IQGAP1: variants seen among roughly 807,000 people sequenced by gnomAD.
The protein encoded by IQGAP1 is IQ motif containing GTPase activating protein 1, also known as ras GTPase-activating-like protein IQGAP1.
IQGAP1 carries 66 observed loss-of-function variants against 215.6 expected under a neutral mutation model. That is an observed-to-expected ratio of 0.31 (90% CI 0.25 to 0.38). The LOEUF is 0.38. Ranked by LOEUF, IQGAP1 falls within the 10% of genes least tolerant of loss-of-function variation. IQGAP1 has a pLI of 1.00. For synonymous variants in IQGAP1, 772 were observed against 728.7 expected (o/e 1.06, Z -0.96); for missense variants, 1,712 against 1,997.1 (o/e 0.86, Z 2.72).
At chr15:90,403,148 C>T (rs1485704294) in intron 2 of IQGAP1, among the ~76,000 whole-genome samples, 1 of 152,114 alleles carries the variant, frequency 6.6e-6, no homozygotes, top group African/African-American at 2.4e-5. Context: ...TGGTGGCACA[C>T]ACCTGTAGTT....
At chr15:90,440,691 T>TC in intron 7 of IQGAP1, 76 bp downstream of exon 7, 1 of 883,388 alleles carries the variant, frequency 1.1e-6, no homozygotes, top group South Asian at 1.6e-5. Context: ...ATAGTGATGA[T>TC]CTAGGACATT....
intron 33 of IQGAP1, among the ~76,000 whole-genome samples, chr15:90,489,199 G>A (rs1966170532): frequency 6.6e-6 from 1 of 151,110 alleles, no homozygotes; most frequent in South Asian, 2.1e-4. Flanking sequence ...CGTGATCTTG[G>A]CTCACTGCAA....
intron 26 of IQGAP1, among the ~76,000 whole-genome samples, chr15:90,479,373 T>C (rs754702229): frequency 2.0e-5 from 3 of 152,174 alleles, no homozygotes; most frequent in Non-Finnish European, 2.9e-5. Flanking sequence ...CTACTTTCCA[T>C]GTACCCGGAT....
chr15:90,406,514 G>T (rs564249514), intron 2 of IQGAP1, among the ~76,000 whole-genome samples: 5 of 152,312 alleles, frequency 3.3e-5, no homozygotes, highest in African/African-American at 1.2e-4. Context: ...AGTGATGACG[G>T]TTGTACAACA....
intron 36 of IQGAP1, among the ~76,000 whole-genome samples, chr15:90,496,127 G>A (rs1966269495): frequency 6.6e-6 from 1 of 151,712 alleles, no homozygotes; most frequent in Non-Finnish European, 1.5e-5. Context: ...AGGCGTTCCA[G>A]TTGAATAAGA....
chr15:90,493,107 G>A (rs1227155756), intron 35 of IQGAP1, among the ~76,000 whole-genome samples: 1 of 152,084 alleles, frequency 6.6e-6, no homozygotes, highest in Non-Finnish European at 1.5e-5. Flanking sequence ...GCTGGGTGTG[G>A]TGGCACGCAC....
At chr15:90,484,993 C>T (rs956051417) in intron 30 of IQGAP1, among the ~76,000 whole-genome samples, 35 of 152,172 alleles carry the variant, frequency 2.3e-4, no homozygotes, top group African/African-American at 8.2e-4. Context: ...TTTTACTCTT[C>T]TTTCTTTTTA....
At chr15:90,406,933 T>C (rs1964887394) in intron 2 of IQGAP1, among the ~76,000 whole-genome samples, 1 of 152,172 alleles carries the variant, frequency 6.6e-6, no homozygotes. Flanking sequence ...TTAGTAGATA[T>C]ATGGTATATG....
Position 90,486,284 on chromosome 15 carries a change from A to AAACAAC in IQGAP1, c.4024+164_4024+169dup, listed in dbSNP as rs1344497304. 12 of 553,464 alleles carry AAACAAC rather than the reference A, an allele frequency of 2.2e-5. No individual in the cohort carries two copies. In the East Asian group the frequency reaches 3.5e-4, roughly 16 times the overall value. The allele number at this position is 553,464 out of a possible 1,614,324, so 34.3% of individuals were successfully genotyped here. A position where few individuals can be genotyped will look rare whatever the true frequency, so the allele number is the denominator to read the frequency against. On this transcript the variant is annotated intron_variant, in intron 31 of 37. Transcript: ENST00000268182. ...GATCCTGATAGTTTCATAAGAGAGA[A>AAACAAC]AACAACAACAACAACAAAAGCCCAG...
chr15:90,393,106 TAAA>T (rs11359516), intron 2 of IQGAP1, among the ~76,000 whole-genome samples: 2,494 of 143,966 alleles, frequency 0.017, 55 homozygotes, highest in East Asian at 0.11. Context: ...CTGGGGAACT[TAAA>T]AAAAAAAAAA....
At chr15:90,455,766 A>T (rs1965671117) in intron 14 of IQGAP1, among the ~76,000 whole-genome samples, 1 of 152,330 alleles carries the variant, frequency 6.6e-6, no homozygotes, top group South Asian at 2.1e-4. Flanking sequence ...GTTGAATTAG[A>T]TGACTTTTTA....
intron 34 of IQGAP1, 41 bp from the exon 35 acceptor site, chr15:90,492,504 T>C: frequency 6.6e-7 from 1 of 1,513,560 alleles, no homozygotes; most frequent in Non-Finnish European, 9.0e-7. Context: ...ATGATAATGA[T>C]AACTGTCGTT....
intron 4 of IQGAP1, 73 bp downstream of exon 4, chr15:90,429,739 A>C: frequency 3.9e-5 from 33 of 853,156 alleles, no homozygotes; most frequent in Non-Finnish European, 5.6e-5. Context: ...ACCTGTTCTC[A>C]TTCTACCTGT....
At chr15:90,390,711 A>G (rs1964623353) in intron 1 of IQGAP1, 63 bp from the exon 2 acceptor site, 1 of 1,126,362 alleles carries the variant, frequency 8.9e-7, no homozygotes, top group South Asian at 1.3e-5. Context: ...ATTCTGTGGC[A>G]ATCTTTTATC....
chr15:90,499,037 C>G (rs1966309308), intron 37 of IQGAP1, among the ~76,000 whole-genome samples: 1 of 152,096 alleles, frequency 6.6e-6, no homozygotes. Flanking sequence ...AGGCTGGTCT[C>G]TAACTCGTGA....
At position 90,501,357 on chromosome 15, in the gene IQGAP1, GC is replaced by G. The variant is rs1312532713; in HGVS notation, c.*1250del. ...CAAGTCTAAACATTGCATTTAGAAA[GC>G]TTTTGTTCTTGGATAAAAAGTCATA... is the stretch of plus-strand genomic sequence containing the variant. On this transcript the variant is annotated 3_prime_UTR_variant, in exon 38 of 38. Coordinates refer to ENST00000268182, the MANE Select transcript of IQGAP1 (RefSeq NM_003870.4). 9 of 149,672 alleles carry G rather than the reference GC, an allele frequency of 6.0e-5. No homozygotes were observed. The highest frequency in any genetic ancestry group is 1.3e-4 in the Non-Finnish European group (9 of 67,700). 9.3% of individuals were successfully genotyped at this position (149,672 alleles called of 1,614,324 possible). A position where few individuals can be genotyped will look rare whatever the true frequency, so the allele number is the denominator to read the frequency against.
At chr15:90,488,858 G>T (rs1966165484) in intron 33 of IQGAP1, among the ~76,000 whole-genome samples, 1 of 152,190 alleles carries the variant, frequency 6.6e-6, no homozygotes, top group Non-Finnish European at 1.5e-5. Flanking sequence ...GCTGTGGGTG[G>T]AGGTGAGTAG....
rs61513362 is a variant in IQGAP1, at chr15:90,436,063, C to CTTTT, written c.467+2280_467+2283dup. Among the ~76,000 whole-genome samples, 252 of 137,200 alleles carry CTTTT rather than the reference C, an allele frequency of 1.8e-3. 1 individual carries two copies. Among genetic ancestry groups the CTTTT allele is most frequent in the African/African-American group, 6.5e-3 (241 of 37,018 alleles). 90.0% of individuals were successfully genotyped at this position (137,200 alleles called of 152,430 possible). On this transcript the variant is annotated intron_variant, in intron 5 of 37. Transcript: ENST00000268182. ...ACCTCTCTGTCTCCTCCCTGCTTGCCTTTTTTTTTTTTTTTCCTCTAAAGT... is the reference window on the plus strand; with the variant it reads ...ACCTCTCTGTCTCCTCCCTGCTTGCCTTTTTTTTTTTTTTTTTTTCCTCTAAAGT...
intron 33 of IQGAP1, among the ~76,000 whole-genome samples, chr15:90,490,993 A>G (rs1371333872): frequency 6.6e-6 from 1 of 152,074 alleles, no homozygotes; most frequent in Non-Finnish European, 1.5e-5. Flanking sequence ...TTGTACTTTT[A>G]GTAGAGACGG....
Sources: gnomAD v4.1 joint callset for allele counts (sites outside exome capture counted in the v4.1 genomes callset) on GRCh38, gnomAD v4.1.1 for gene constraint, MANE v1.5 for transcripts, NCBI Gene and HGNC (gene_info 2026-07-23, HGNC 2026-07-21) for gene names.